The following LRP1B variants were observed in gnomAD, a reference collection of about 807,000 sequenced individuals.
The protein encoded by LRP1B is LDL receptor related protein 1B.
In LRP1B, 217 loss-of-function variants were observed where a neutral mutation model predicts 556.6. The ratio of observed to expected loss-of-function variants is 0.39; its 90% CI spans 0.35 to 0.44. LRP1B has a LOEUF of 0.44. Among genes scored for constraint, LRP1B ranks in the 20% least tolerant of loss-of-function variants. The pLI is 1.00. For missense variants in LRP1B, 5,053 were observed against 5,620.8 expected (o/e 0.90, Z 3.23); for synonymous variants, 2,047 against 1,865.8 (o/e 1.10, Z -2.50).
chr2:141,193,786 T>A lies in LRP1B; in HGVS notation c.851-5203A>T, dbSNP rs541923565. 6.2e-3 allele frequency among the ~76,000 whole-genome samples: 940 copies of A among 150,972 alleles called. 6 individuals are homozygous for A. The highest frequency in any genetic ancestry group is 0.021 in the African/African-American group (855 of 41,196). ...GTCAAATCTTGCTTAAAAAAAAAAATAAAAATAAAAGGAATTGTTGTTTGT... is the reference window on the plus strand; with the variant it reads ...GTCAAATCTTGCTTAAAAAAAAAAAAAAAAATAAAAGGAATTGTTGTTTGT... On this transcript the variant is annotated intron_variant, in intron 6 of 90. Coordinates refer to ENST00000389484, the MANE Select transcript of LRP1B (RefSeq NM_018557.3).
intron 3 of LRP1B, among the ~76,000 whole-genome samples, chr2:141,278,909 AC>A (rs2105383404): frequency 6.6e-6 from 1 of 152,258 alleles, no homozygotes; most frequent in African/African-American, 2.4e-5. Context: ...TCTTAATTGC[AC>A]AGGCAGAATA....
intron 1 of LRP1B, among the ~76,000 whole-genome samples, chr2:142,065,919 T>C (rs1705091813): frequency 6.6e-6 from 1 of 151,412 alleles, no homozygotes; most frequent in Non-Finnish European, 1.5e-5. Flanking sequence ...GTATGACTCA[T>C]CCTGGATCAA....
intron 86 of LRP1B, among the ~76,000 whole-genome samples, chr2:140,261,279 T>C (rs193049911): frequency 1.3e-5 from 2 of 151,938 alleles, no homozygotes; most frequent in African/African-American, 4.8e-5. Context: ...CACATTTAAA[T>C]ATATGAACCT....
intron 1 of LRP1B, among the ~76,000 whole-genome samples, chr2:142,012,854 T>C (rs1468694613): frequency 2.6e-5 from 4 of 152,170 alleles, no homozygotes; most frequent in African/African-American, 7.2e-5. Flanking sequence ...TAAGATGCGA[T>C]GTGGTCATTA....
chr2:140,582,517 G>A (rs2105140528), intron 43 of LRP1B, among the ~76,000 whole-genome samples: 1 of 152,302 alleles, frequency 6.6e-6, no homozygotes, highest in Admixed American at 6.5e-5. Flanking sequence ...ACTTTTAGGA[G>A]CTGATAAAAC....
intron 16 of LRP1B, 21 bp downstream of exon 16, chr2:140,993,974 G>A (rs2105358622): frequency 6.2e-7 from 1 of 1,607,792 alleles, no homozygotes; most frequent in Non-Finnish European, 8.5e-7. Context: ...CAATTTTTAG[G>A]TGACTTGGAA....
chr2:140,378,710 G>C (rs1683345142), intron 67 of LRP1B, among the ~76,000 whole-genome samples: 1 of 152,164 alleles, frequency 6.6e-6, no homozygotes, highest in Non-Finnish European at 1.5e-5. Context: ...TGGGCAGTGA[G>C]TCTAGCCTTT....
At chr2:142,002,621 A>C (rs1005059356) in intron 1 of LRP1B, among the ~76,000 whole-genome samples, 1 of 151,864 alleles carries the variant, frequency 6.6e-6, no homozygotes, top group African/African-American at 2.4e-5. Flanking sequence ...TCACAACATG[A>C]AATAACCTTC....
rs1699258406 is a variant in LRP1B, at chr2:141,058,856, A to G, written c.1408+27T>C. On this transcript the variant is annotated intron_variant, in intron 9 of 90. Transcript: ENST00000389484. ...ATCCCCATTCAATCTACCATTAGGAAGGTAATAAAGAAGCTTTCCCACTTA... is the reference window on the plus strand; with the variant it reads ...ATCCCCATTCAATCTACCATTAGGAGGGTAATAAAGAAGCTTTCCCACTTA... The G allele has an allele frequency of 5.2e-6, 8 of 1,544,678 alleles. No homozygotes were observed. In the East Asian group the frequency reaches 1.6e-4, roughly 31 times the overall value.
intron 72 of LRP1B, among the ~76,000 whole-genome samples, chr2:140,363,927 A>G (rs116407945): frequency 0.013 from 1,922 of 151,758 alleles, 20 homozygotes; most frequent in Non-Finnish European, 0.017. Flanking sequence ...GTATAGGCGA[A>G]ACTGCATTTC....
intron 2 of LRP1B, among the ~76,000 whole-genome samples, chr2:141,481,752 G>C (rs1682926289): frequency 6.6e-6 from 1 of 152,098 alleles, no homozygotes; most frequent in Non-Finnish European, 1.5e-5. Context: ...CCAAATGCTG[G>C]CCCCAGTATT....
chr2:141,052,223 AG>A (rs1185657881), intron 10 of LRP1B, among the ~76,000 whole-genome samples: 2 of 151,996 alleles, frequency 1.3e-5, no homozygotes, highest in Non-Finnish European at 2.9e-5. Flanking sequence ...CCTGATGTCA[AG>A]GGCATTTCTT....
intron 1 of LRP1B, among the ~76,000 whole-genome samples, chr2:142,073,891 T>C (rs1705408331): frequency 6.6e-6 from 1 of 151,912 alleles, no homozygotes; most frequent in Non-Finnish European, 1.5e-5. Flanking sequence ...TGGGCCATGA[T>C]TGAAAATTTC....
At chr2:142,097,497 G>T (rs556610678) in intron 1 of LRP1B, among the ~76,000 whole-genome samples, 1 of 151,716 alleles carries the variant, frequency 6.6e-6, no homozygotes, top group East Asian at 1.9e-4. Context: ...AAATTTTAAG[G>T]TAGATTACTT....
chr2:140,397,038 G>C (rs562957268), intron 66 of LRP1B, among the ~76,000 whole-genome samples: 1 of 152,290 alleles, frequency 6.6e-6, no homozygotes, highest in East Asian at 1.9e-4. Context: ...ACACTGAAAT[G>C]CTGTGGGGTA....
At chr2:141,585,906 G>A (rs1014308135) in intron 2 of LRP1B, among the ~76,000 whole-genome samples, 4 of 148,032 alleles carry the variant, frequency 2.7e-5, no homozygotes, top group South Asian at 2.1e-4. Context: ...TTTTTAAGAC[G>A]AGGGTCTCGC....
chr2:141,504,525 A>G (rs942910278), intron 2 of LRP1B, among the ~76,000 whole-genome samples: 3 of 152,134 alleles, frequency 2.0e-5, no homozygotes, highest in Non-Finnish European at 2.9e-5. Context: ...CAACCAAGGA[A>G]CAAACCTATA....
intron 6 of LRP1B, among the ~76,000 whole-genome samples, chr2:141,195,654 TGAAAACACAGAG>T (rs1681719305): frequency 1.3e-5 from 2 of 152,222 alleles, no homozygotes; most frequent in South Asian, 4.1e-4. Flanking sequence ...GCTCTAATGC[TGAAAACACAGAG>T]GATAATCCGT....
intron 14 of LRP1B, among the ~76,000 whole-genome samples, chr2:141,007,634 T>C (rs971267932): frequency 6.6e-6 from 1 of 151,688 alleles, no homozygotes; most frequent in East Asian, 1.9e-4. Flanking sequence ...CAGGATGAAA[T>C]TGTATATTTA....
Sources: gnomAD v4.1 joint callset for allele counts (sites outside exome capture counted in the v4.1 genomes callset) on GRCh38, gnomAD v4.1.1 for gene constraint, MANE v1.5 for transcripts, NCBI Gene and HGNC (gene_info 2026-07-23, HGNC 2026-07-21) for gene names.